VPS53: variants seen among roughly 807,000 people sequenced by gnomAD.
The protein encoded by VPS53 is VPS53 subunit of GARP complex, also known as vacuolar protein sorting-associated protein 53 homolog.
Under a neutral mutation model 107.0 loss-of-function variants are expected in VPS53, and 70 were observed. That is an observed-to-expected ratio of 0.65 (90% CI 0.54 to 0.80). VPS53 has a LOEUF of 0.80. Among genes scored for constraint, VPS53 ranks in the 30% least tolerant of loss-of-function variants. The probability of loss-of-function intolerance (pLI) is 0.00; values close to 1 mark genes in which losing one functional copy is unlikely to be tolerated. For missense variants in VPS53, 917 were observed against 1,049.4 expected, an observed-to-expected ratio of 0.87 and a Z score of 1.74; for synonymous variants, 409 against 393.3, an observed-to-expected ratio of 1.04 and a Z score of -0.47.
intron 11 of VPS53, among the ~76,000 whole-genome samples, chr17:604,050 C>T (rs1968447133): frequency 6.6e-6 from 1 of 152,214 alleles, no homozygotes. Flanking sequence ...CAAAATCATT[C>T]AGTGACAGAC....
At chr17:598,672 G>A (rs1247867126) in intron 12 of VPS53, among the ~76,000 whole-genome samples, 2 of 144,392 alleles carry the variant, frequency 1.4e-5, no homozygotes, top group Non-Finnish European at 3.1e-5. Context: ...GGGAGGTGAG[G>A]AGCATTTCTG....
At chr17:664,197 G>C (rs1014376885) in intron 4 of VPS53, among the ~76,000 whole-genome samples, 3 of 152,082 alleles carry the variant, frequency 2.0e-5, no homozygotes, top group African/African-American at 7.2e-5. Context: ...TCCTGCCTCA[G>C]CCTCCCGAGT....
intron 4 of VPS53, among the ~76,000 whole-genome samples, chr17:686,324 A>C (rs1972584664): frequency 1.3e-5 from 2 of 152,190 alleles, no homozygotes; most frequent in South Asian, 4.1e-4. Context: ...TGTCTCTAAG[A>C]AGAAAAAAAA....
intron 4 of VPS53, chr17:674,504 T>C (rs1972079575): frequency 6.6e-6 from 1 of 152,258 alleles, no homozygotes; most frequent in Admixed American, 6.5e-5. Flanking sequence ...GATTTTTTTC[T>C]CTTCCTGGTT....
intron 20 of VPS53, 120 bp downstream of exon 20, chr17:521,481 A>C: frequency 7.5e-6 from 9 of 1,192,192 alleles, no homozygotes; most frequent in Non-Finnish European, 9.9e-6. Context: ...GTCCAGCCCA[A>C]GAATGTGGAC....
chr17:617,705 T>C lies in VPS53; in HGVS notation c.1116+5828A>G, dbSNP rs1474204341. On this transcript the variant is annotated intron_variant, in intron 11 of 21. Transcript: ENST00000437048. ...TAGCTGGGACTACAGGCATGCGCCA[T>C]CAGGCCCCGCTATTATTTCCCAGGT... is the stretch of plus-strand genomic sequence containing the variant. Among the ~76,000 whole-genome samples, 76 of 129,800 alleles carry C rather than the reference T, an allele frequency of 5.9e-4. 2 individuals carry two copies. The highest frequency in any genetic ancestry group is 4.4e-4 in the Non-Finnish European group (27 of 62,056). The allele number at this position is 129,800 out of a possible 152,430, so 85.2% of individuals were successfully genotyped here.
At chr17:653,052 G>T (rs1038669108) in intron 7 of VPS53, among the ~76,000 whole-genome samples, 1 of 152,102 alleles carries the variant, frequency 6.6e-6, no homozygotes, top group Non-Finnish European at 1.5e-5. Flanking sequence ...CTTTTGGAAA[G>T]TTTAGCTGCC....
intron 18 of VPS53, among the ~76,000 whole-genome samples, chr17:533,451 G>C (rs1213062999): frequency 1.3e-5 from 2 of 152,120 alleles, no homozygotes; most frequent in African/African-American, 4.8e-5. Context: ...ATCCTGCTAA[G>C]CCCTGGCCTC....
intron 4 of VPS53, among the ~76,000 whole-genome samples, chr17:672,109 G>GACAGAC (rs1491463611): frequency 1.4e-4 from 15 of 108,890 alleles, no homozygotes; most frequent in African/African-American, 5.1e-4. Context: ...TGATGAGGGT[G>GACAGAC]ACACACACAC....
intron 5 of VPS53, among the ~76,000 whole-genome samples, chr17:660,971 G>A (rs1397589829): frequency 1.3e-5 from 2 of 152,028 alleles, no homozygotes; most frequent in Non-Finnish European, 2.9e-5. Context: ...TCGGTCTTCG[G>A]GGCAAGCTTC....
chr17:700,528 G>A (rs990868718), intron 2 of VPS53, among the ~76,000 whole-genome samples: 2 of 152,078 alleles, frequency 1.3e-5, no homozygotes, highest in African/African-American at 2.4e-5. Flanking sequence ...TCCAGCCTGG[G>A]CAACAAGAGC....
In VPS53 at chr17:601,797, G is replaced by C; in HGVS notation, c.1216C>G (p.Gln406Glu). The C allele has an allele frequency of 1.9e-6, 3 of 1,598,716 alleles. No individual in the cohort carries two copies. The highest frequency in any genetic ancestry group is 2.3e-5 in the East Asian group (1 of 43,938). Residue 406 changes from glutamine to glutamate, a missense_variant and splice_region_variant, in exon 12 of 22, where the codon CAA (glutamine) becomes GAA (glutamate). Coordinates refer to ENST00000437048, the MANE Select transcript of VPS53 (RefSeq NM_001128159.3). ...ELATEKGDLD[Q>E]PKKPKAPDNP... ...GTGGTGACGCAAACCAGACTTACTTGATCTAAATCTCCTTTCTCCGTTGCC... is the reference window on the plus strand; with the variant it reads ...GTGGTGACGCAAACCAGACTTACTTCATCTAAATCTCCTTTCTCCGTTGCC...
intron 5 of VPS53, among the ~76,000 whole-genome samples, chr17:659,095 C>CA (rs141529119): frequency 0.059 from 8,820 of 149,224 alleles, 265 homozygotes; most frequent in Middle Eastern, 0.17. Context: ...AAATTTGGGG[C>CA]AAAAAAAATA....
chr17:622,909 C>T (rs998556156), intron 11 of VPS53, among the ~76,000 whole-genome samples: 25 of 151,380 alleles, frequency 1.7e-4, no homozygotes, highest in African/African-American at 5.6e-4. Flanking sequence ...AGGCTGGTCT[C>T]GAACTCCTGG....
At chr17:690,747 T>C (rs921194059) in intron 4 of VPS53, among the ~76,000 whole-genome samples, 3 of 147,282 alleles carry the variant, frequency 2.0e-5, no homozygotes, top group African/African-American at 7.3e-5. Context: ...TCTCAGCAAA[T>C]CCAAGGTAAT....
In VPS53 at chr17:598,646, G is replaced by A. The variant is rs562208489; in HGVS notation, c.1218+3149C>T. 2.7e-4 allele frequency among the ~76,000 whole-genome samples: 40 copies of A among 145,736 alleles called. No individual in the cohort carries two copies. In the South Asian group the frequency reaches 6.5e-3, roughly 24 times the overall value. ...TGGGATGTGAGGAGCACCTCTGCCC[G>A]GCCGCGACCCGGTCTGGGAGGTGAG... is the stretch of plus-strand genomic sequence containing the variant. On this transcript the variant is annotated intron_variant, in intron 12 of 21. Coordinates refer to ENST00000437048, the MANE Select transcript of VPS53 (RefSeq NM_001128159.3).
At chr17:590,239 CTT>C (rs1225170888) in intron 12 of VPS53, among the ~76,000 whole-genome samples, 1 of 152,108 alleles carries the variant, frequency 6.6e-6, no homozygotes, top group African/African-American at 2.4e-5. Context: ...TATCCTGAGA[CTT>C]TGCTGAAGTT....
chr17:648,075 C>T (rs1970778533), intron 7 of VPS53, among the ~76,000 whole-genome samples: 1 of 152,178 alleles, frequency 6.6e-6, no homozygotes, highest in African/African-American at 2.4e-5. Flanking sequence ...ACCAGGGAGC[C>T]TCCAAGCCTA....
intron 11 of VPS53, among the ~76,000 whole-genome samples, chr17:619,444 T>C (rs77709498): frequency 0.017 from 1,473 of 84,886 alleles, no homozygotes; most frequent in Middle Eastern, 0.037. Context: ...ACTAATATTT[T>C]CCGGGTAGCT....
Sources: allele counts gnomAD v4.1 joint callset (sites outside exome capture counted in the v4.1 genomes callset), GRCh38; gene constraint gnomAD v4.1.1; transcripts MANE v1.5; gene names NCBI Gene and HGNC (gene_info 2026-07-23, HGNC 2026-07-21).